The following CNTN5 variants were observed in gnomAD, a reference collection of about 807,000 sequenced individuals.
CNTN5 encodes the protein contactin 5, also known as contactin-5.
In CNTN5, 77 loss-of-function variants were observed where a neutral mutation model predicts 129.1. The observed-to-expected ratio is 0.60, with a 90% CI of 0.50 to 0.72. The LOEUF (loss-of-function observed/expected upper bound fraction) is 0.72. CNTN5 is among the 30% of genes least tolerant of loss of function. CNTN5 has a pLI of 0.00. For synonymous variants in CNTN5, 509 were observed against 465.6 expected, an observed-to-expected ratio of 1.09 and a Z score of -1.20; for missense variants, 1,478 against 1,328.8, an observed-to-expected ratio of 1.11 and a Z score of -1.75.
intron 3 of CNTN5, among the ~76,000 whole-genome samples, chr11:99,562,255 T>C (rs542429914): frequency 3.9e-5 from 6 of 152,298 alleles, no homozygotes; most frequent in African/African-American, 9.6e-5. Context: ...CACTTTTTTT[T>C]CCTTTCTATT....
intron 1 of CNTN5, among the ~76,000 whole-genome samples, chr11:99,234,712 AAAAT>A (rs1456896362): frequency 6.6e-6 from 1 of 151,890 alleles, no homozygotes; most frequent in Non-Finnish European, 1.5e-5. Context: ...TATTTATTTA[AAAAT>A]AAATAATAAT....
At chr11:100,287,501 C>A (rs1198398650) in intron 18 of CNTN5, among the ~76,000 whole-genome samples, 1 of 150,730 alleles carries the variant, frequency 6.6e-6, no homozygotes, top group Non-Finnish European at 1.5e-5. Context: ...CATATCCAGC[C>A]AAACTAAGCT....
chr11:100,310,963 T>C (rs191285611), intron 21 of CNTN5, among the ~76,000 whole-genome samples: 8 of 151,952 alleles, frequency 5.3e-5, no homozygotes, highest in Admixed American at 1.3e-4. Context: ...TTAGGAACCA[T>C]AGAAAGAAGT....
At chr11:100,159,503 T>C (rs1219045215) in intron 13 of CNTN5, among the ~76,000 whole-genome samples, 1 of 151,848 alleles carries the variant, frequency 6.6e-6, no homozygotes, top group Non-Finnish European at 1.5e-5. Context: ...AAAATGATCA[T>C]TGCAATTACA....
chr11:99,636,213 A>G (rs1024288328), intron 3 of CNTN5, among the ~76,000 whole-genome samples: 29 of 152,098 alleles, frequency 1.9e-4, no homozygotes, highest in African/African-American at 5.8e-4. Context: ...ATCTTTAACT[A>G]TTTTTACATT....
chr11:99,919,757 T>G (rs756852000), intron 7 of CNTN5, among the ~76,000 whole-genome samples: 4 of 152,088 alleles, frequency 2.6e-5, no homozygotes, highest in Non-Finnish European at 5.9e-5. Context: ...CCCTAGGCAA[T>G]TTTTGCTATG....
chr11:100,255,812 G>A lies in CNTN5; in HGVS notation c.2058G>A (p.Thr686=), dbSNP rs778646534. The change falls in exon 17 of 25, where the codon ACG becomes ACA. Residue 686 remains threonine (T), a synonymous_variant. Coordinates refer to ENST00000524871, the MANE Select transcript of CNTN5 (RefSeq NM_014361.4). ...TTGTTGAGGAAATAACCGAAAGTAC[G>A]GCCACACTGTCCTGGAGCCCAGCAG... The part of the protein sequence containing the change: ...IVIVEEITES[T]ATLSWSPAAD... 2.5e-5 allele frequency: 40 copies of A among 1,613,708 alleles called. No homozygotes were observed. The African/African-American group carries it at 4.3e-4, about 17-fold the overall frequency.
intron 2 of CNTN5, among the ~76,000 whole-genome samples, chr11:99,508,869 C>T (rs1235613887): frequency 6.6e-6 from 1 of 151,720 alleles, no homozygotes; most frequent in Non-Finnish European, 1.5e-5. Context: ...TTAGTAGAGA[C>T]GGGGTTTCAC....
chr11:100,191,207 A>G lies in CNTN5; in HGVS notation c.1662A>G (p.Glu554=), dbSNP rs769078218. ...SDEGKYVCRG[E]NVFGSAEIIA... is the part of the protein sequence containing the mutation. ...AGGGAAAGTACGTTTGCCGAGGGGAAAACGTCTTTGGTTCTGCTGAAATTA... is the reference window on the plus strand; with the variant it reads ...AGGGAAAGTACGTTTGCCGAGGGGAGAACGTCTTTGGTTCTGCTGAAATTA... The change falls in exon 14 of 25, where the codon GAA becomes GAG. Residue 554 remains glutamate (E), a synonymous_variant. Coordinates refer to ENST00000524871, the MANE Select transcript of CNTN5 (RefSeq NM_014361.4). The G allele has an allele frequency of 4.3e-6, 7 of 1,612,760 alleles. No homozygotes were observed. In the South Asian group the frequency reaches 7.7e-5, roughly 18 times the overall value.
intron 7 of CNTN5, among the ~76,000 whole-genome samples, chr11:99,941,870 T>C (rs1950446768): frequency 6.6e-6 from 1 of 152,092 alleles, no homozygotes; most frequent in African/African-American, 2.4e-5. Context: ...CAAAATCATG[T>C]CAGTCCTAAT....
intron 21 of CNTN5, among the ~76,000 whole-genome samples, chr11:100,324,382 A>G (rs1951751235): frequency 6.6e-6 from 1 of 152,200 alleles, no homozygotes; most frequent in South Asian, 2.1e-4. Context: ...AATAGCAAGC[A>G]GTTTCAAAAG....
At chr11:99,293,552 GC>G (rs1233279815) in intron 1 of CNTN5, among the ~76,000 whole-genome samples, 1 of 152,038 alleles carries the variant, frequency 6.6e-6, no homozygotes, top group Non-Finnish European at 1.5e-5. Flanking sequence ...TGGGTCCTAG[GC>G]TTTTCTTTGA....
chr11:100,145,198 T>C (rs1946813253), intron 13 of CNTN5, among the ~76,000 whole-genome samples: 1 of 152,098 alleles, frequency 6.6e-6, no homozygotes, highest in Admixed American at 6.6e-5. Context: ...GTAGACAAAA[T>C]TACGCCGCTA....
intron 3 of CNTN5, among the ~76,000 whole-genome samples, chr11:99,674,951 C>G (rs143965443): frequency 1.3e-5 from 2 of 151,966 alleles, no homozygotes; most frequent in Non-Finnish European, 2.9e-5. Context: ...GATGTGCATA[C>G]TGGATTATGA....
intron 4 of CNTN5, among the ~76,000 whole-genome samples, chr11:99,840,720 G>T (rs1252705972): frequency 6.6e-6 from 1 of 152,044 alleles, no homozygotes; most frequent in Non-Finnish European, 1.5e-5. Flanking sequence ...TGTGTCGAAG[G>T]CTTCTACTTG....
At chr11:99,174,436 C>T (rs1028629963) in intron 1 of CNTN5, among the ~76,000 whole-genome samples, 6 of 152,152 alleles carry the variant, frequency 3.9e-5, no homozygotes, top group East Asian at 1.9e-4. Context: ...ACATGGTACC[C>T]GTGATTTCCA....
chr11:99,704,540 A>G (rs1954669553), intron 3 of CNTN5, among the ~76,000 whole-genome samples: 1 of 151,136 alleles, frequency 6.6e-6, no homozygotes, highest in Admixed American at 6.6e-5. Context: ...TTTACTATCA[A>G]ATGTTAATAA....
intron 2 of CNTN5, among the ~76,000 whole-genome samples, chr11:99,451,914 G>A (rs548726534): frequency 6.6e-6 from 1 of 152,162 alleles, no homozygotes; most frequent in South Asian, 2.1e-4. Flanking sequence ...TCAATAAATG[G>A]TGCCCTAATG....
rs761143314 is a variant in CNTN5, at chr11:99,819,780, A to G, written c.277+15A>G. The G allele has an allele frequency of 7.4e-6, 1 of 134,788 alleles. No homozygotes were observed. The highest frequency in any genetic ancestry group is 1.8e-4 in the African/African-American group (1 of 5,592). The allele number at this position is 134,788 out of a possible 1,614,324, so 8.3% of individuals were successfully genotyped here. On this transcript the variant is annotated intron_variant, in intron 4 of 24. Transcript: ENST00000524871. ...CAAACAAGATGGTAAGTGTCAAAGG[A>G]AAATGGCTCCAGATAGAATAAAGGA...
Sources: allele counts gnomAD v4.1 joint callset (sites outside exome capture counted in the v4.1 genomes callset), GRCh38; gene constraint gnomAD v4.1.1; transcripts MANE v1.5; gene names NCBI Gene and HGNC (gene_info 2026-07-23, HGNC 2026-07-21).